The following DCLRE1A variants were observed in gnomAD, a reference collection of about 807,000 sequenced individuals.
DCLRE1A encodes DNA cross-link repair 1A.
Under a neutral mutation model 91.9 loss-of-function variants are expected in DCLRE1A, and 64 were observed. The observed-to-expected ratio is 0.70, with a 90% CI of 0.57 to 0.86. The LOEUF (loss-of-function observed/expected upper bound fraction) is 0.86, where lower values mean the gene tolerates loss of function less well. Among genes scored for constraint, DCLRE1A ranks in the 40% least tolerant of loss-of-function variants. The pLI is 0.00. For missense variants in DCLRE1A, 1,145 were observed against 1,213.3 expected (o/e 0.94, Z 0.84); for synonymous variants, 416 against 431.1 (o/e 0.96, Z 0.43).
At position 113,853,042 on chromosome 10, in the gene DCLRE1A, C is replaced by A. The variant is rs1303775245; in HGVS notation, c.141G>T (p.Arg47=). The A allele has an allele frequency of 2.5e-6, 4 of 1,613,818 alleles. No individual in the cohort carries two copies. Among genetic ancestry groups the A allele is most frequent in the Non-Finnish European group, 3.4e-6 (4 of 1,180,008 alleles). Residue 47 remains arginine, a synonymous_variant, in exon 1 of 9, where the codon CGG becomes CGT. Transcript: ENST00000361384. ...KATDGKYQSK[R]SRNRKRAAEA... Reference sequence around the variant, plus strand: ...CTGCGGCTCTTTTTCTGTTTCTACTCCGTTTTGACTGGTATTTTCCATCTG... The same window carrying A: ...CTGCGGCTCTTTTTCTGTTTCTACTACGTTTTGACTGGTATTTTCCATCTG...
chr10:113,851,432 G>A (rs985711522), intron 1 of DCLRE1A, among the ~76,000 whole-genome samples: 3 of 151,356 alleles, frequency 2.0e-5, no homozygotes, highest in Admixed American at 6.6e-5. Context: ...TTATTTTACT[G>A]AATTTTAACT....
At chr10:113,844,341 T>C (rs1845496836) in intron 4 of DCLRE1A, 97 bp from the exon 5 acceptor site, 8 of 1,464,212 alleles carry the variant, frequency 5.5e-6, no homozygotes, top group South Asian at 2.7e-5. Context: ...CTTTATTAGC[T>C]GACCACAATG....
chr10:113,841,382 A>G (rs1252157498), intron 7 of DCLRE1A, 24 bp downstream of exon 7: 1 of 1,606,380 alleles, frequency 6.2e-7, no homozygotes, highest in Non-Finnish European at 8.5e-7. Context: ...TTCATCCTAA[A>G]AGACATATCT....
In DCLRE1A at chr10:113,849,344, T is replaced by TTTTGATTA; in HGVS notation, c.1760_1761insTAATCAAA (p.Val588AsnfsTer23). 1 of 1,614,172 alleles carries TTTTGATTA rather than the reference T, an allele frequency of 6.2e-7. No homozygotes were observed. Among genetic ancestry groups the TTTTGATTA allele is most frequent in the South Asian group, 1.1e-5 (1 of 91,066 alleles). On this transcript the variant is annotated frameshift_variant, in exon 2 of 9. Coordinates refer to ENST00000361384, the MANE Select transcript of DCLRE1A (RefSeq NM_014881.5). LOFTEE classifies it high-confidence loss of function. ...ACCTCTTTTGATTAGGACTTGGAAC[T>TTTTGATTA]GGATTTAAGTTTATCCCTTCTAATG...
Position 113,849,060 on chromosome 10 carries a change from C to T in DCLRE1A, c.2045G>A (p.Arg682Lys), listed in dbSNP as rs746229843. 1 of 1,614,128 alleles carries T rather than the reference C, an allele frequency of 6.2e-7. No individual in the cohort carries two copies. Among genetic ancestry groups the T allele is most frequent in the Non-Finnish European group, 8.5e-7 (1 of 1,180,018 alleles). Reference sequence around the variant, plus strand: ...TGACTCTGGGATTTTCTTGTTGCCCCTTTGCAGCCCACCATGAGCTGATTT... The same window carrying T: ...TGACTCTGGGATTTTCTTGTTGCCCTTTTGCAGCCCACCATGAGCTGATTT... ...FTKSAHGGLQRGNKKIPESSN... is the reference protein window; with the variant it reads ...FTKSAHGGLQKGNKKIPESSN... Residue 682 changes from arginine to lysine, a missense_variant, in exon 2 of 9, where the codon AGG becomes AAG. By Grantham distance (26) the Arg-to-Lys change is conservative. Coordinates refer to ENST00000361384, the MANE Select transcript of DCLRE1A (RefSeq NM_014881.5).
At chr10:113,844,914 C>CA (rs1020944992) in intron 4 of DCLRE1A, among the ~76,000 whole-genome samples, 29 of 115,482 alleles carry the variant, frequency 2.5e-4, no homozygotes, top group African/African-American at 9.0e-4. Context: ...CCAACCTGGG[C>CA]AAAAAAAGCG....
rs1845626672 is a variant in DCLRE1A at position 113,850,378 on chromosome 10, C to T, written c.727G>A (p.Glu243Lys). 1.2e-5 allele frequency: 19 copies of T among 1,614,216 alleles called. No individual in the cohort carries two copies. Among genetic ancestry groups the T allele is most frequent in the Non-Finnish European group, 1.4e-5 (17 of 1,180,030 alleles). ...TGAGTAGAAATCTTTTCACTGGCTTCAGTCAGAGACGGAGACTTTTTAAAA... is the reference window on the plus strand; with the variant it reads ...TGAGTAGAAATCTTTTCACTGGCTTTAGTCAGAGACGGAGACTTTTTAAAA... Reference protein sequence around the residue: ...QYFKKSPSLTEASEKISTHIQ... With the variant: ...QYFKKSPSLTKASEKISTHIQ... The change falls in exon 2 of 9, where the codon GAA becomes AAA. Residue 243 changes from glutamate to lysine, a missense_variant. Glu to Lys is a moderately conservative substitution (Grantham distance 56, BLOSUM62 1). Coordinates refer to ENST00000361384, the MANE Select transcript of DCLRE1A (RefSeq NM_014881.5).
chr10:113,852,851 G>T lies in DCLRE1A; in HGVS notation c.332C>A (p.Ser111Tyr). The T allele has an allele frequency of 6.2e-7, 1 of 1,614,152 alleles. No individual in the cohort carries two copies. The highest frequency in any genetic ancestry group is 8.5e-7 in the Non-Finnish European group (1 of 1,180,022). The change falls in exon 1 of 9, where the codon TCC becomes TAC. Residue 111 changes from serine to tyrosine, a missense_variant. By Grantham distance (144) the Ser-to-Tyr change is moderately radical. Transcript: ENST00000361384. ...LCRTQKSQHV[S>Y]PKIRPVYDGY... is the part of the protein sequence containing the mutation. Reference sequence around the variant, plus strand: ...ATCATAAACTGGACGTATCTTTGGGGACACGTGTTGGCTTTTTTGAGTTCT... The same window carrying T: ...ATCATAAACTGGACGTATCTTTGGGTACACGTGTTGGCTTTTTTGAGTTCT...
chr10:113,848,945 T>C (rs1845588082), intron 2 of DCLRE1A, 35 bp downstream of exon 2: 1 of 1,568,670 alleles, frequency 6.4e-7, no homozygotes. Context: ...AACGTTGTCT[T>C]TGTTGATATA....
Position 113,849,416 on chromosome 10 carries a change from A to C in DCLRE1A, c.1689T>G (p.Phe563Leu), listed in dbSNP as rs1845600532. 6.2e-7 allele frequency: 1 copy of C among 1,613,918 alleles called. No individual in the cohort carries two copies. The highest frequency in any genetic ancestry group is 1.3e-5 in the African/African-American group (1 of 74,936). ...CTTCCTTTCTTTTGGGAGGTAGTCC[A>C]AAATACACACCTATATCCATTTGCT... ...VMKQMDIGVY[F>L]GLPPKRKEEK... The change falls in exon 2 of 9, where the codon TTT (phenylalanine) becomes TTG (leucine). Residue 563 changes from phenylalanine (F) to leucine (L), a missense_variant. Physicochemically the swap from Phe to Leu is conservative, Grantham distance 22. Coordinates refer to ENST00000361384, the MANE Select transcript of DCLRE1A (RefSeq NM_014881.5).
In DCLRE1A at chr10:113,848,528, A is replaced by G. The variant is rs192549284; in HGVS notation, c.2125+452T>C. On this transcript the variant is annotated intron_variant, in intron 2 of 8. Coordinates refer to ENST00000361384, the MANE Select transcript of DCLRE1A (RefSeq NM_014881.5). Reference sequence around the variant, plus strand: ...GAAAGGGCAGAGAAACTAAGTTCTAATACGGTTTTAAAATTTTTGGCATTT... The same window carrying G: ...GAAAGGGCAGAGAAACTAAGTTCTAGTACGGTTTTAAAATTTTTGGCATTT... Among the ~76,000 whole-genome samples the G allele has an allele frequency of 5.3e-5, 8 of 152,310 alleles. No homozygotes were observed. In the East Asian group the frequency reaches 1.5e-3, roughly 29 times the overall value.
intron 1 of DCLRE1A, among the ~76,000 whole-genome samples, chr10:113,851,796 G>A (rs369506906): frequency 1.3e-5 from 2 of 151,416 alleles, no homozygotes; most frequent in South Asian, 2.1e-4. Context: ...CATGATCACA[G>A]GGCCCTACAG....
rs1186349857 is a variant in DCLRE1A at position 113,835,307 on chromosome 10, G to T, written c.2968C>A (p.Pro990Thr). The T allele has an allele frequency of 7.6e-6, 12 of 1,581,828 alleles. No homozygotes were observed. The highest frequency in any genetic ancestry group is 1.0e-5 in the Non-Finnish European group (12 of 1,168,786). The stretch of plus-strand genomic sequence containing the variant: ...AGGTAGCTGCTGTGTTCACTGTAAG[G>T]AATTCCTGTAACAAAAAATAAACGA... ...TKGNISIYGIPYSEHSSYLEM... is the reference protein window; with the variant it reads ...TKGNISIYGITYSEHSSYLEM... The change falls in exon 9 of 9, where the codon CCT (proline) becomes ACT (threonine). Residue 990 changes from proline to threonine, a missense_variant. Physicochemically the swap from Pro to Thr is conservative, Grantham distance 38. Coordinates refer to ENST00000361384, the MANE Select transcript of DCLRE1A (RefSeq NM_014881.5).
At chr10:113,848,840 G>C in intron 2 of DCLRE1A, 140 bp downstream of exon 2, 4 of 791,192 alleles carry the variant, frequency 5.1e-6, no homozygotes, top group Non-Finnish European at 8.1e-6. Context: ...CTACGTTAGA[G>C]GCTCATGAAG....
At position 113,841,530 on chromosome 10, in the gene DCLRE1A, C is replaced by G; in HGVS notation, c.2696G>C (p.Gly899Ala). Residue 899 changes from glycine (G) to alanine (A), a missense_variant, in exon 7 of 9, where the codon GGC becomes GCC. Coordinates refer to ENST00000361384, the MANE Select transcript of DCLRE1A (RefSeq NM_014881.5). Reference sequence around the variant, plus strand: ...AGTTTTATATTTTTCCTGGGACATGCCCACTTTTGAACCTAAAACATCAGC... The same window carrying G: ...AGTTTTATATTTTTCCTGGGACATGGCCACTTTTGAACCTAAAACATCAGC... ...AIADVLGSKV[G>A]MSQEKYKTLQ... 1 of 1,611,060 alleles carries G rather than the reference C, an allele frequency of 6.2e-7. No individual in the cohort carries two copies.
intron 7 of DCLRE1A, among the ~76,000 whole-genome samples, chr10:113,839,723 T>C (rs943040473): frequency 7.9e-5 from 12 of 152,140 alleles, no homozygotes; most frequent in African/African-American, 2.9e-4. Flanking sequence ...TCAGTAAACC[T>C]CACCTTCTAA....
rs75771416 is a variant in DCLRE1A, at chr10:113,852,407, G to C, written c.460+316C>G. Among the ~76,000 whole-genome samples the C allele has an allele frequency of 5.5e-3, 831 of 152,332 alleles. 10 individuals are homozygous for C. Among genetic ancestry groups the C allele is most frequent in the African/African-American group, 0.019 (790 of 41,578 alleles). On this transcript the variant is annotated intron_variant, in intron 1 of 8. Transcript: ENST00000361384. ...TTTCATCTATAAAATGTCAATACTA[G>C]CTACCTTATATGGTGATTGTGAAAG... is the stretch of plus-strand genomic sequence containing the variant.
chr10:113,852,981 C>T lies in DCLRE1A; in HGVS notation c.202G>A (p.Gly68Arg). 1.2e-6 allele frequency: 2 copies of T among 1,614,178 alleles called. No individual in the cohort carries two copies. The highest frequency in any genetic ancestry group is 2.2e-5 in the East Asian group (1 of 44,884). Residue 68 changes from glycine (G) to arginine (R), a missense_variant, in exon 1 of 9, where the codon GGA (glycine) becomes AGA (arginine). Transcript: ENST00000361384. The part of the protein sequence containing the change: ...KEVKDHEVPL[G>R]NAGCQTSVAS... The stretch of plus-strand genomic sequence containing the variant: ...ACAGAAGTCTGACAACCTGCATTTC[C>T]AAGGGGCACTTCATGGTCCTTCACC...
Position 113,854,015 on chromosome 10 carries a change from T to G in DCLRE1A, c.-833A>C, listed in dbSNP as rs543793403. 1 of 152,306 alleles carries G rather than the reference T, an allele frequency of 6.6e-6. No individual in the cohort carries two copies. Among genetic ancestry groups the G allele is most frequent in the African/African-American group, 2.4e-5 (1 of 41,478 alleles). The allele number at this position is 152,306 out of a possible 1,614,324, so 9.4% of individuals were successfully genotyped here. A position where few individuals can be genotyped will look rare whatever the true frequency, so the allele number is the denominator to read the frequency against. ...ACACGCCAGCCTCTCCCTTATCTTT[T>G]GGCATTAGAGGCTGGGAGGCCAGGA... On this transcript the variant is annotated 5_prime_UTR_variant, in exon 1 of 9. Coordinates refer to ENST00000361384, the MANE Select transcript of DCLRE1A (RefSeq NM_014881.5).
Sources: allele counts gnomAD v4.1 joint callset (sites outside exome capture counted in the v4.1 genomes callset), GRCh38; gene constraint gnomAD v4.1.1; transcripts MANE v1.5; gene names NCBI Gene and HGNC (gene_info 2026-07-23, HGNC 2026-07-21).